SLC24A2: variants seen among roughly 807,000 people sequenced by gnomAD.
The protein encoded by SLC24A2 is sodium/potassium/calcium exchanger 2.
In SLC24A2, 36 loss-of-function variants were observed where a neutral mutation model predicts 62.0. The observed-to-expected ratio is 0.58, with a 90% CI of 0.44 to 0.77. The LOEUF is 0.77. Among genes scored for constraint, SLC24A2 ranks in the 30% least tolerant of loss-of-function variants. SLC24A2 has a pLI of 0.00. For missense variants in SLC24A2, 846 were observed against 817.9 expected, an observed-to-expected ratio of 1.03 and a Z score of -0.42; for synonymous variants, 358 against 294.0, an observed-to-expected ratio of 1.22 and a Z score of -2.23.
the SLC24A2 span, among the ~76,000 whole-genome samples, chr9:20,184,190 G>A: frequency 3.9e-5 from 6 of 152,112 alleles, no homozygotes; most frequent in East Asian, 5.8e-4. Context: ...TAATTATCAC[G>A]GAAATGGAAA....
the SLC24A2 span, among the ~76,000 whole-genome samples, chr9:20,028,264 G>T: frequency 6.6e-6 from 1 of 152,080 alleles, no homozygotes; most frequent in Non-Finnish European, 1.5e-5. Flanking sequence ...AACACACAAG[G>T]GGATTTTACC....
intron 8 of SLC24A2, among the ~76,000 whole-genome samples, chr9:19,535,449 T>C (rs905559919): frequency 1.4e-4 from 21 of 152,200 alleles, no homozygotes; most frequent in African/African-American, 4.6e-4. Context: ...CAGAATGGTA[T>C]TGCCTAGGTT....
At chr9:19,523,387 A>G (rs1014088476) in intron 9 of SLC24A2, among the ~76,000 whole-genome samples, 11 of 152,174 alleles carry the variant, frequency 7.2e-5, no homozygotes, top group African/African-American at 1.2e-4. Flanking sequence ...GTTGATGACT[A>G]TATGTGAGAT....
chr9:20,194,596 A>G, the SLC24A2 span, among the ~76,000 whole-genome samples: 1 of 152,194 alleles, frequency 6.6e-6, no homozygotes, highest in South Asian at 2.1e-4. Flanking sequence ...ATTGAATATC[A>G]GGTAGCTTTA....
the SLC24A2 span, among the ~76,000 whole-genome samples, chr9:20,270,911 C>T: frequency 1.3e-5 from 2 of 152,168 alleles, no homozygotes; most frequent in Non-Finnish European, 2.9e-5. Context: ...AAATGGGGCA[C>T]AGAGGGAAGA....
chr9:19,597,288 T>G lies in SLC24A2; in HGVS notation c.1079-9A>C. ...TCCATATGATCCAAGTTCTACAACA[T>G]CACAGTAAAAGACACAAAGATAAGG... On this transcript the variant is annotated splice_polypyrimidine_tract_variant and intron_variant, in intron 4 of 10. Coordinates refer to ENST00000341998, the MANE Select transcript of SLC24A2 (RefSeq NM_020344.4). The G allele has an allele frequency of 1.3e-6, 2 of 1,546,148 alleles. No homozygotes were observed. The highest frequency in any genetic ancestry group is 1.8e-6 in the Non-Finnish European group (2 of 1,118,278).
chr9:19,757,897 T>C (rs1211321168), intron 2 of SLC24A2, among the ~76,000 whole-genome samples: 1 of 151,970 alleles, frequency 6.6e-6, no homozygotes, highest in Non-Finnish European at 1.5e-5. Context: ...CCCTCTAGAG[T>C]GGGTTGTTAC....
At chr9:19,622,878 C>G (rs1250929167) in intron 2 of SLC24A2, among the ~76,000 whole-genome samples, 1 of 152,070 alleles carries the variant, frequency 6.6e-6, no homozygotes, top group Admixed American at 6.5e-5. Context: ...AAATAAAGCT[C>G]ACAGAAGTTA....
At chr9:19,659,944 C>A (rs910295906) in intron 2 of SLC24A2, among the ~76,000 whole-genome samples, 2 of 152,148 alleles carry the variant, frequency 1.3e-5, no homozygotes, top group Non-Finnish European at 2.9e-5. Context: ...CTGGACAGTA[C>A]CCTCATTTTT....
At chr9:20,022,545 G>C in the SLC24A2 span, among the ~76,000 whole-genome samples, 2 of 152,152 alleles carry the variant, frequency 1.3e-5, no homozygotes, top group Non-Finnish European at 2.9e-5. Context: ...TGCAATTCCT[G>C]TTGCTGAAGT....
At chr9:20,234,870 G>T in the SLC24A2 span, among the ~76,000 whole-genome samples, 1 of 152,242 alleles carries the variant, frequency 6.6e-6, no homozygotes, top group Admixed American at 6.5e-5. Flanking sequence ...TGTACCTTTG[G>T]TCTTTGATGA....
chr9:19,625,521 T>C (rs1049868672), intron 2 of SLC24A2, among the ~76,000 whole-genome samples: 2 of 152,136 alleles, frequency 1.3e-5, no homozygotes, highest in African/African-American at 4.8e-5. Flanking sequence ...GGCCATCATC[T>C]ACTTATGAGA....
chr9:20,128,530 A>AT, the SLC24A2 span, among the ~76,000 whole-genome samples: 1 of 152,154 alleles, frequency 6.6e-6, no homozygotes, highest in Non-Finnish European at 1.5e-5. Flanking sequence ...TTAAAACCAT[A>AT]TTAATCAGAA....
the SLC24A2 span, among the ~76,000 whole-genome samples, chr9:19,923,441 G>A: frequency 3.9e-5 from 6 of 152,286 alleles, no homozygotes; most frequent in African/African-American, 7.2e-5. Flanking sequence ...ATGAGGAAAA[G>A]CAGCCACCCC....
chr9:19,527,043 GTTTA>G (rs914348063), intron 9 of SLC24A2, among the ~76,000 whole-genome samples: 2 of 152,056 alleles, frequency 1.3e-5, no homozygotes, highest in Non-Finnish European at 2.9e-5. Context: ...AAGGATCTAA[GTTTA>G]TTTATTTTGG....
chr9:19,813,463 G>T, the SLC24A2 span, among the ~76,000 whole-genome samples: 1 of 151,466 alleles, frequency 6.6e-6, no homozygotes, highest in East Asian at 1.9e-4. Flanking sequence ...GACTACAGGC[G>T]CACACCACCA....
intron 8 of SLC24A2, among the ~76,000 whole-genome samples, chr9:19,528,547 C>G (rs1833541515): frequency 6.6e-6 from 1 of 152,138 alleles, no homozygotes; most frequent in African/African-American, 2.4e-5. Flanking sequence ...CTATTGCTTG[C>G]AAACCATGAA....
chr9:20,197,182 T>G, the SLC24A2 span, among the ~76,000 whole-genome samples: 2 of 152,188 alleles, frequency 1.3e-5, no homozygotes, highest in Non-Finnish European at 2.9e-5. Flanking sequence ...ATAAGAGATT[T>G]CTAGAAATGA....
intron 8 of SLC24A2, among the ~76,000 whole-genome samples, chr9:19,548,460 T>A (rs1035331924): frequency 1.3e-5 from 2 of 152,214 alleles, no homozygotes; most frequent in Non-Finnish European, 2.9e-5. Flanking sequence ...CCTAGATGTT[T>A]CCTGAAATTA....
Sources: allele counts gnomAD v4.1 joint callset (sites outside exome capture counted in the v4.1 genomes callset), GRCh38; gene constraint gnomAD v4.1.1; transcripts MANE v1.5; gene names NCBI Gene and HGNC (gene_info 2026-07-23, HGNC 2026-07-21).